DNM3: variants seen among roughly 807,000 people sequenced by gnomAD.
The protein encoded by DNM3 is dynamin 3.
In DNM3, 47 loss-of-function variants were observed where a neutral mutation model predicts 101.6. The observed-to-expected ratio is 0.46, with a 90% CI of 0.37 to 0.59. The LOEUF is 0.59. Ranked by LOEUF, DNM3 falls within the 20% of genes least tolerant of loss-of-function variation. DNM3 has a pLI of 0.00. For missense variants in DNM3, 849 were observed against 1,085.7 expected (o/e 0.78, Z 3.06); for synonymous variants, 385 against 387.9 (o/e 0.99, Z 0.09).
intron 15 of DNM3, among the ~76,000 whole-genome samples, chr1:172,298,123 G>C (rs547342891): frequency 6.6e-6 from 1 of 151,974 alleles, no homozygotes; most frequent in Admixed American, 6.6e-5. Context: ...TTTAGTTCTA[G>C]GAAGTCTTTT....
chr1:172,007,943 C>T (rs2046806251), intron 4 of DNM3, among the ~76,000 whole-genome samples: 1 of 151,870 alleles, frequency 6.6e-6, no homozygotes. Flanking sequence ...TTTGCATTTC[C>T]CTGATAATTA....
chr1:172,397,714 A>C (rs1473043648), intron 20 of DNM3, among the ~76,000 whole-genome samples: 1 of 151,872 alleles, frequency 6.6e-6, no homozygotes, highest in Non-Finnish European at 1.5e-5. Flanking sequence ...GTTTGCTTAA[A>C]ACTTTGGTGT....
chr1:172,348,369 C>T (rs1292504012), intron 17 of DNM3, among the ~76,000 whole-genome samples: 1 of 152,020 alleles, frequency 6.6e-6, no homozygotes, highest in Non-Finnish European at 1.5e-5. Context: ...AGTGAAACTA[C>T]AGAACACCAA....
At chr1:172,292,573 G>A (rs1348033421) in intron 15 of DNM3, among the ~76,000 whole-genome samples, 1 of 150,612 alleles carries the variant, frequency 6.6e-6, no homozygotes, top group East Asian at 2.0e-4. Context: ...AATATTGGCT[G>A]AAGGGTTGGC....
At chr1:172,078,180 C>T (rs1490047283) in intron 11 of DNM3, among the ~76,000 whole-genome samples, 3 of 152,180 alleles carry the variant, frequency 2.0e-5, no homozygotes, top group Admixed American at 6.5e-5. Flanking sequence ...GCAAGCTCCG[C>T]CTCCTGGGTT....
chr1:172,332,240 A>G (rs939390746), intron 17 of DNM3, among the ~76,000 whole-genome samples: 1 of 152,204 alleles, frequency 6.6e-6, no homozygotes, highest in Non-Finnish European at 1.5e-5. Context: ...GCTTCAAACT[A>G]CAAGATTTAT....
intron 14 of DNM3, among the ~76,000 whole-genome samples, 158 bp downstream of exon 14, chr1:172,131,446 A>G (rs1438225732): frequency 1.3e-5 from 2 of 152,178 alleles, no homozygotes; most frequent in Non-Finnish European, 2.9e-5. Context: ...ATTTTCTTAT[A>G]GATTTTAAAG....
At chr1:171,886,357 G>T (rs1047651118) in intron 1 of DNM3, among the ~76,000 whole-genome samples, 22 of 152,266 alleles carry the variant, frequency 1.4e-4, no homozygotes, top group Admixed American at 1.3e-3. Flanking sequence ...CACTTAATGG[G>T]TATATAATAG....
intron 12 of DNM3, among the ~76,000 whole-genome samples, chr1:172,085,060 G>A (rs545177125): frequency 6.6e-6 from 1 of 151,786 alleles, no homozygotes; most frequent in South Asian, 2.1e-4. Context: ...GTTAGACATG[G>A]CCTGTAAAAT....
At chr1:172,140,614 A>G (rs1016988016) in intron 14 of DNM3, 2 of 152,016 alleles carry the variant, frequency 1.3e-5, no homozygotes, top group African/African-American at 4.8e-5. Flanking sequence ...AATAAAAAGA[A>G]ATATTTGTGA....
chr1:172,329,676 A>T (rs1038096901), intron 17 of DNM3, among the ~76,000 whole-genome samples: 12 of 152,186 alleles, frequency 7.9e-5, no homozygotes, highest in African/African-American at 2.9e-4. Context: ...AAGACAAACA[A>T]GTAAAATACC....
chr1:172,351,070 C>T (rs527747644), intron 17 of DNM3, among the ~76,000 whole-genome samples: 2 of 152,198 alleles, frequency 1.3e-5, no homozygotes, highest in East Asian at 1.9e-4. Context: ...TCTGATCAGA[C>T]CTGTGTTGTT....
At chr1:172,053,543 G>A (rs2050357043) in intron 10 of DNM3, among the ~76,000 whole-genome samples, 2 of 151,294 alleles carry the variant, frequency 1.3e-5, no homozygotes, top group African/African-American at 4.9e-5. Flanking sequence ...AAGCTCCTTT[G>A]AAAAAAAAGG....
At chr1:172,221,025 A>T (rs960365834) in intron 14 of DNM3, among the ~76,000 whole-genome samples, 2 of 152,064 alleles carry the variant, frequency 1.3e-5, no homozygotes, top group African/African-American at 4.8e-5. Context: ...GTTACTTTTC[A>T]TTCAATTTTC....
intron 10 of DNM3, among the ~76,000 whole-genome samples, chr1:172,068,389 T>C (rs2051870842): frequency 6.6e-6 from 1 of 152,210 alleles, no homozygotes; most frequent in Non-Finnish European, 1.5e-5. Flanking sequence ...CTGTCTTTTC[T>C]GATTGCTGTG....
At chr1:172,303,582 T>C (rs1573375783) in intron 15 of DNM3, among the ~76,000 whole-genome samples, 3 of 152,126 alleles carry the variant, frequency 2.0e-5, no homozygotes, top group Admixed American at 2.0e-4. Context: ...AACTGTCAGA[T>C]TCACCAAAGT....
Position 171,841,565 on chromosome 1 carries a change from G to A in DNM3, c.-92G>A. On this transcript the variant is annotated 5_prime_UTR_variant, in exon 1 of 21. Coordinates refer to ENST00000627582, the MANE Select transcript of DNM3 (RefSeq NM_015569.5). The stretch of plus-strand genomic sequence containing the variant: ...CAGGACCTGGCTGGCTGAGCCCGGC[G>A]CAGCAGCAGCAGCCAGGGCAGCGCG... The A allele has an allele frequency of 7.6e-6, 11 of 1,454,058 alleles. No individual in the cohort carries two copies. The highest frequency in any genetic ancestry group is 7.5e-5 in the Admixed American group (3 of 40,242). The allele number at this position is 1,454,058 out of a possible 1,614,324, so 90.1% of individuals were successfully genotyped here.
intron 4 of DNM3, among the ~76,000 whole-genome samples, chr1:171,992,751 T>G (rs988755771): frequency 6.6e-6 from 1 of 152,140 alleles, no homozygotes; most frequent in African/African-American, 2.4e-5. Flanking sequence ...TGTGCTATTT[T>G]GCCATTCTTT....
chr1:172,166,323 T>G (rs1436354042), intron 14 of DNM3, among the ~76,000 whole-genome samples: 1 of 152,128 alleles, frequency 6.6e-6, no homozygotes, highest in East Asian at 1.9e-4. Flanking sequence ...TACATTCTTG[T>G]GATTTCTTTT....
Sources: allele counts gnomAD v4.1 joint callset (sites outside exome capture counted in the v4.1 genomes callset), GRCh38; gene constraint gnomAD v4.1.1; transcripts MANE v1.5; gene names NCBI Gene and HGNC (gene_info 2026-07-23, HGNC 2026-07-21).